Variants in APOLD1 observed in about 807,000 individuals in gnomAD.
APOLD1 encodes the protein apolipoprotein L domain containing 1.
APOLD1 carries 22 observed loss-of-function variants against 15.3 expected under a neutral mutation model. That is an observed-to-expected ratio of 1.44 (90% CI 1.03 to 2.05). The LOEUF (loss-of-function observed/expected upper bound fraction) is 2.05, where lower values mean the gene tolerates loss of function less well. Ranked by LOEUF, APOLD1 falls within the 30% of genes most tolerant of loss-of-function variation. The pLI is 0.00. For synonymous variants in APOLD1, 190 were observed against 167.4 expected, an observed-to-expected ratio of 1.13 and a Z score of -1.04; for missense variants, 394 against 353.5, an observed-to-expected ratio of 1.11 and a Z score of -0.92.
At chr12:12,785,532 G>A (rs1254917447), upstream of APOLD1, 4 of 1,229,286 alleles carry the variant, frequency 3.3e-6, no homozygotes, top group Non-Finnish European at 3.5e-6. Context: ...ACCATGTCAC[G>A]TCCTTCTAGA....
intron 1 of APOLD1, among the ~76,000 whole-genome samples, chr12:12,755,996 A>T (rs1946855248): frequency 6.6e-6 from 1 of 152,160 alleles, no homozygotes. Flanking sequence ...TCTCTATATA[A>T]GTCTATATCC....
chr12:12,747,305 A>C (rs1946773601), intron 1 of APOLD1, among the ~76,000 whole-genome samples: 1 of 152,158 alleles, frequency 6.6e-6, no homozygotes. Flanking sequence ...AAAAACAAAA[A>C]ACAAAACCTG....
At chr12:12,726,031 G>T (rs1425107240) in exon 1 of APOLD1, 5 of 1,538,678 alleles carry the variant, frequency 3.2e-6, no homozygotes, top group Non-Finnish European at 3.5e-6. Flanking sequence ...CCGGCTGCGG[G>T]CCAGGGGTAC....
At chr12:12,737,233 T>TA (rs200998135) in intron 1 of APOLD1, among the ~76,000 whole-genome samples, 16 of 151,946 alleles carry the variant, frequency 1.1e-4, no homozygotes, top group Non-Finnish European at 1.2e-4. Flanking sequence ...GTTTTTTTTT[T>TA]AAATTGAAGA....
intron 1 of APOLD1, among the ~76,000 whole-genome samples, chr12:12,775,564 A>G (rs1346337240): frequency 6.6e-6 from 1 of 152,166 alleles, no homozygotes; most frequent in East Asian, 1.9e-4. Context: ...TGTATGTTCC[A>G]CTCAATTTTG....
chr12:12,763,012 G>T (rs1216901739), intron 1 of APOLD1, among the ~76,000 whole-genome samples: 2 of 152,026 alleles, frequency 1.3e-5, no homozygotes, highest in African/African-American at 4.8e-5. Context: ...GGGTGTAGTA[G>T]TCCCAGCTAC....
intron 1 of APOLD1, among the ~76,000 whole-genome samples, chr12:12,742,996 C>T (rs937056527): frequency 2.0e-5 from 3 of 152,250 alleles, no homozygotes; most frequent in Non-Finnish European, 4.4e-5. Flanking sequence ...AAGTGATCCT[C>T]CCGCCTTGGC....
chr12:12,738,589 G>T (rs932467966), intron 1 of APOLD1, among the ~76,000 whole-genome samples: 5 of 152,100 alleles, frequency 3.3e-5, no homozygotes, highest in African/African-American at 1.2e-4. Context: ...TTTCTAATAT[G>T]GTGCACTGGG....
chr12:12,787,265 G>A lies in APOLD1; in HGVS notation c.360G>A (p.Val120=). 1 of 1,595,710 alleles carries A rather than the reference G, an allele frequency of 6.3e-7. No homozygotes were observed. The highest frequency in any genetic ancestry group is 8.5e-7 in the Non-Finnish European group (1 of 1,172,962). The change falls in exon 2 of 2, where the codon GTG becomes GTA. Residue 120 remains valine, a synonymous_variant. Coordinates refer to ENST00000356591, the MANE Select transcript of APOLD1 (RefSeq NM_030817.3). This position sits in a 1 kb window ranked among gnomAD's most constrained non-coding sequence, Gnocchi z 4.9. ...GCAACTCCCGGGAGCTGCGGAGGGT[G>A]CAGGAGATCGCGGCCACCTGCCAGG... ...IFCNSRELRR[V]QEIAATCQDQ...
chr12:12,783,811 T>C (rs975118723), upstream of APOLD1, among the ~76,000 whole-genome samples: 5 of 151,606 alleles, frequency 3.3e-5, no homozygotes, highest in South Asian at 4.2e-4. Flanking sequence ...TTTTTAAATT[T>C]TTTGTAAAGA....
intron 1 of APOLD1, among the ~76,000 whole-genome samples, chr12:12,774,690 T>TGA (rs1325152412): frequency 6.7e-6 from 1 of 149,620 alleles, no homozygotes; most frequent in Non-Finnish European, 1.5e-5. Context: ...TAAATAAATA[T>TGA]ATGAAAAGAC....
At chr12:12,746,233 C>T (rs1246634913) in intron 1 of APOLD1, among the ~76,000 whole-genome samples, 1 of 152,224 alleles carries the variant, frequency 6.6e-6, no homozygotes, top group Non-Finnish European at 1.5e-5. Context: ...CAGTGGCTCA[C>T]GCCTGTAATC....
At chr12:12,779,000 T>C (rs943865423) in intron 1 of APOLD1, among the ~76,000 whole-genome samples, 14 of 152,180 alleles carry the variant, frequency 9.2e-5, no homozygotes, top group Non-Finnish European at 2.1e-4. Flanking sequence ...ACCTACCCCT[T>C]AAGCCTCATC....
intron 1 of APOLD1, among the ~76,000 whole-genome samples, chr12:12,728,042 A>C (rs2136364731): frequency 6.6e-6 from 1 of 152,280 alleles, no homozygotes; most frequent in Non-Finnish European, 1.5e-5. Flanking sequence ...AGCATGGCTC[A>C]CTGCAGCCTC....
chr12:12,733,883 C>A (rs201282569), intron 1 of APOLD1, among the ~76,000 whole-genome samples: 2 of 152,172 alleles, frequency 1.3e-5, no homozygotes, highest in Non-Finnish European at 2.9e-5. Context: ...GGATTACAGG[C>A]GTGAGCCACC....
chr12:12,783,914 A>G (rs1044287784), upstream of APOLD1, among the ~76,000 whole-genome samples: 1 of 152,160 alleles, frequency 6.6e-6, no homozygotes, highest in African/African-American at 2.4e-5. Flanking sequence ...GATTATAGGC[A>G]TGGGCCACCA....
At chr12:12,777,015 C>T (rs1419803165) in intron 1 of APOLD1, among the ~76,000 whole-genome samples, 1 of 152,200 alleles carries the variant, frequency 6.6e-6, no homozygotes, top group African/African-American at 2.4e-5. Context: ...ATATAATAAA[C>T]TCCAGGTGGG....
chr12:12,731,001 C>T (rs1403108448), intron 1 of APOLD1, among the ~76,000 whole-genome samples: 10 of 152,020 alleles, frequency 6.6e-5, no homozygotes, highest in Non-Finnish European at 1.5e-4. Flanking sequence ...ATTAGCCGGG[C>T]GTGGTGGCGG....
At chr12:12,765,130 C>A (rs925208162) in intron 1 of APOLD1, among the ~76,000 whole-genome samples, 5 of 152,128 alleles carry the variant, frequency 3.3e-5, no homozygotes, top group African/African-American at 1.2e-4. Flanking sequence ...GTATAAGAGG[C>A]AAAGACCAGC....
Sources: gnomAD v4.1 joint callset for allele counts (sites outside exome capture counted in the v4.1 genomes callset) on GRCh38, gnomAD v4.1.1 for gene constraint, Gnocchi (gnomAD v3.1) non-coding constraint, MANE v1.5 for transcripts, NCBI Gene and HGNC (gene_info 2026-07-23, HGNC 2026-07-21) for gene names.